EXOC4: variants seen among roughly 807,000 people sequenced by gnomAD.
The protein encoded by EXOC4 is SEC8-like 1.
In EXOC4, 71 loss-of-function variants were observed where a neutral mutation model predicts 107.2. The ratio of observed to expected loss-of-function variants is 0.66; its 90% CI spans 0.55 to 0.81. EXOC4 has a LOEUF of 0.81. EXOC4 is among the 30% of genes least tolerant of loss of function. EXOC4 has a pLI of 0.00. For missense variants in EXOC4, 1,108 were observed against 1,189.6 expected (o/e 0.93, Z 1.01); for synonymous variants, 456 against 441.2 (o/e 1.03, Z -0.42).
intron 11 of EXOC4, among the ~76,000 whole-genome samples, chr7:133,856,774 C>A (rs1357493737): frequency 6.6e-6 from 1 of 151,920 alleles, no homozygotes; most frequent in African/African-American, 2.4e-5. Context: ...AGGTTCTTAT[C>A]TAAAGCCATA....
At chr7:134,003,260 G>T (rs914363683) in intron 15 of EXOC4, among the ~76,000 whole-genome samples, 2 of 152,184 alleles carry the variant, frequency 1.3e-5, no homozygotes, top group Non-Finnish European at 2.9e-5. Context: ...TGTAGGGGCA[G>T]AAAAATAGAT....
intron 10 of EXOC4, among the ~76,000 whole-genome samples, chr7:133,801,637 G>A (rs1372913079): frequency 2.6e-5 from 4 of 152,264 alleles, no homozygotes; most frequent in South Asian, 4.2e-4. Context: ...AGGGGAAATG[G>A]CCAACCAGGT....
intron 11 of EXOC4, among the ~76,000 whole-genome samples, chr7:133,845,335 AGTGT>A (rs34845137): frequency 0.019 from 2,559 of 137,998 alleles, 35 homozygotes; most frequent in African/African-American, 0.032. Context: ...GCAGGTTAGT[AGTGT>A]GTGTGTGTGT....
chr7:133,920,983 G>T (rs181342720), intron 13 of EXOC4, among the ~76,000 whole-genome samples: 14 of 152,310 alleles, frequency 9.2e-5, no homozygotes, highest in Non-Finnish European at 1.5e-4. Flanking sequence ...CTAATAGGAT[G>T]GAGGGAGGGA....
At chr7:133,862,168 T>G (rs2116345506) in intron 11 of EXOC4, among the ~76,000 whole-genome samples, 1 of 152,038 alleles carries the variant, frequency 6.6e-6, no homozygotes, top group East Asian at 1.9e-4. Context: ...CTTTTTTTTT[T>G]TTTTTAATTT....
At chr7:133,888,839 C>A (rs1411863849) in intron 11 of EXOC4, among the ~76,000 whole-genome samples, 1 of 152,148 alleles carries the variant, frequency 6.6e-6, no homozygotes, top group African/African-American at 2.4e-5. Context: ...TCTTTCTAAG[C>A]TTGTTTCCTC....
chr7:133,359,303 T>C (rs1229052219), intron 6 of EXOC4, among the ~76,000 whole-genome samples: 1 of 152,242 alleles, frequency 6.6e-6, no homozygotes, highest in African/African-American at 2.4e-5. Context: ...TTGTTGCTTC[T>C]AGAGGATTGG....
chr7:133,514,310 G>A (rs6949225), intron 9 of EXOC4, among the ~76,000 whole-genome samples: 116,359 of 151,898 alleles, frequency 0.77, 45,341 homozygotes, highest in East Asian at 0.95. Context: ...GACTACAGGC[G>A]CATGCCACCG....
intron 11 of EXOC4, among the ~76,000 whole-genome samples, chr7:133,859,578 T>A (rs1428364399): frequency 6.6e-6 from 1 of 152,116 alleles, no homozygotes; most frequent in Admixed American, 6.6e-5. Context: ...TTACAGTCAT[T>A]AGCACTGGGA....
intron 1 of EXOC4, among the ~76,000 whole-genome samples, chr7:133,261,363 C>G (rs745853786): frequency 1.1e-4 from 16 of 151,540 alleles, no homozygotes; most frequent in Non-Finnish European, 2.2e-4. Context: ...GCCTCCCAGG[C>G]TCAGGTGATC....
intron 5 of EXOC4, among the ~76,000 whole-genome samples, chr7:133,328,045 A>C (rs1447785773): frequency 6.6e-6 from 1 of 152,172 alleles, no homozygotes. Flanking sequence ...GGTGTTAAAA[A>C]GTCTCCAACT....
chr7:133,628,130 G>A (rs768903320), intron 9 of EXOC4, among the ~76,000 whole-genome samples: 8 of 151,006 alleles, frequency 5.3e-5, no homozygotes, highest in Non-Finnish European at 8.9e-5. Flanking sequence ...AGGGTTTTGA[G>A]GAAGCCCACT....
chr7:133,641,427 C>T (rs1802851083), intron 10 of EXOC4, among the ~76,000 whole-genome samples: 1 of 119,226 alleles, frequency 8.4e-6, no homozygotes, highest in African/African-American at 3.1e-5. Flanking sequence ...CTGTCCTGAG[C>T]ACACATATAT....
intron 3 of EXOC4, among the ~76,000 whole-genome samples, chr7:133,293,155 G>A (rs1584785154): frequency 6.6e-6 from 1 of 152,024 alleles, no homozygotes; most frequent in Non-Finnish European, 1.5e-5. Flanking sequence ...TGAGGAGTTG[G>A]CATATCCCAA....
At chr7:133,631,663 GAATT>G (rs1265501180) in intron 10 of EXOC4, among the ~76,000 whole-genome samples, 13 of 151,962 alleles carry the variant, frequency 8.6e-5, no homozygotes, top group Admixed American at 3.3e-4. Flanking sequence ...GAGGTTAAGA[GAATT>G]AAAACTATTT....
chr7:133,510,517 T>C (rs1187008158), intron 9 of EXOC4, among the ~76,000 whole-genome samples: 2 of 152,210 alleles, frequency 1.3e-5, no homozygotes, highest in African/African-American at 4.8e-5. Flanking sequence ...ACTACTGGTC[T>C]CTAAAACCTG....
chr7:133,331,419 A>ACTT (rs1189665254), intron 5 of EXOC4, among the ~76,000 whole-genome samples: 1 of 150,470 alleles, frequency 6.6e-6, no homozygotes, highest in Admixed American at 6.6e-5. Flanking sequence ...ATGAAAAACT[A>ACTT]CTTATATTCT....
intron 10 of EXOC4, among the ~76,000 whole-genome samples, chr7:133,763,911 G>A (rs1585129213): frequency 6.6e-6 from 1 of 152,026 alleles, no homozygotes; most frequent in East Asian, 1.9e-4. Context: ...CCAACTAGGA[G>A]ACCTCTCAAA....
chr7:133,950,686 T>C (rs1010636828), intron 14 of EXOC4, among the ~76,000 whole-genome samples: 9 of 152,194 alleles, frequency 5.9e-5, no homozygotes, highest in African/African-American at 2.2e-4. Flanking sequence ...CACCAAAATA[T>C]TCATTTTAAG....
Sources: gnomAD v4.1 joint callset for allele counts (sites outside exome capture counted in the v4.1 genomes callset) on GRCh38, gnomAD v4.1.1 for gene constraint, MANE v1.5 for transcripts, NCBI Gene and HGNC (gene_info 2026-07-23, HGNC 2026-07-21) for gene names.